The following AQR variants were observed in gnomAD, a reference collection of about 807,000 sequenced individuals.
AQR encodes the protein RNA helicase aquarius.
A neutral mutation model predicts 180.5 loss-of-function variants in AQR; 61 were observed. That is an observed-to-expected ratio of 0.34 (90% CI 0.28 to 0.42). AQR has a LOEUF of 0.42. Ranked by LOEUF, AQR falls within the 10% of genes least tolerant of loss-of-function variation. The pLI is 1.00. For missense variants in AQR, 1,281 were observed against 1,798.3 expected, an observed-to-expected ratio of 0.71 and a Z score of 5.20; for synonymous variants, 551 against 588.8, an observed-to-expected ratio of 0.94 and a Z score of 0.93.
In AQR at chr15:34,869,052, T is replaced by A. The variant is rs1035563886; in HGVS notation, c.3769-1443A>T. ...AGCTGTACAGTAAGTGCATACTTTA[T>A]AAGAAACTGTCAAACTTTTCCAAAA... On this transcript the variant is annotated intron_variant, in intron 31 of 34. Coordinates refer to ENST00000156471, the MANE Select transcript of AQR (RefSeq NM_014691.3). 13 of 152,308 alleles carry A rather than the reference T, an allele frequency of 8.5e-5. 3 individuals carry two copies. Among genetic ancestry groups the A allele is most frequent in the Admixed American group, 2.6e-4 (4 of 15,298 alleles). 9.4% of individuals were successfully genotyped at this position (152,308 alleles called of 1,614,324 possible).
rs893754580 is a variant in AQR at position 34,855,681 on chromosome 15, C to G, written c.*1111G>C. ...ACAACACAGTAATCTTAGTACAGTG[C>G]TTCTCAAACTACAAAGTGCCTGTGA... On this transcript the variant is annotated 3_prime_UTR_variant, in exon 35 of 35. Transcript: ENST00000156471. 3 of 152,146 alleles carry G rather than the reference C, an allele frequency of 2.0e-5. No individual in the cohort carries two copies. The highest frequency in any genetic ancestry group is 4.4e-5 in the Non-Finnish European group (3 of 68,020). The allele number at this position is 152,146 out of a possible 1,614,324, so 9.4% of individuals were successfully genotyped here.
At chr15:34,930,997 T>G (rs1595801219) in intron 11 of AQR, among the ~76,000 whole-genome samples, 1 of 151,948 alleles carries the variant, frequency 6.6e-6, no homozygotes, top group East Asian at 1.9e-4. Context: ...CCACCATGCC[T>G]GGCTAATTTT....
Position 34,855,447 on chromosome 15 carries a change from T to C in AQR, c.*1345A>G, listed in dbSNP as rs1435172162. ...TCTGGGGTAAATGCTCCCCTCCCCT[T>C]TAGATACTCTAGCAGATGATCAAAA... On this transcript the variant is annotated 3_prime_UTR_variant, in exon 35 of 35. Transcript: ENST00000156471. The C allele has an allele frequency of 2.0e-5, 3 of 152,080 alleles. No homozygotes were observed. Among genetic ancestry groups the C allele is most frequent in the Non-Finnish European group, 4.4e-5 (3 of 68,026 alleles). 9.4% of individuals were successfully genotyped at this position (152,080 alleles called of 1,614,324 possible).
chr15:34,882,485 C>T lies in AQR; in HGVS notation c.3165+17G>A, dbSNP rs764437827. ...AATCTTAAAAAAAAAAAAAAAAAAACTACCATAAGTCTTTACCTTGAAACC... is the reference window on the plus strand; with the variant it reads ...AATCTTAAAAAAAAAAAAAAAAAAATTACCATAAGTCTTTACCTTGAAACC... On this transcript the variant is annotated intron_variant, in intron 27 of 34. Transcript: ENST00000156471. 4.3e-6 allele frequency: 4 copies of T among 929,678 alleles called. No individual in the cohort carries two copies. Among genetic ancestry groups the T allele is most frequent in the South Asian group, 2.8e-5 (1 of 35,404 alleles). 57.6% of individuals were successfully genotyped at this position (929,678 alleles called of 1,614,324 possible).
chr15:34,927,911 A>G (rs1226932024), intron 12 of AQR, among the ~76,000 whole-genome samples: 1 of 152,212 alleles, frequency 6.6e-6, no homozygotes, highest in Non-Finnish European at 1.5e-5. Context: ...AAGGAAATAA[A>G]CAAGTCAGTC....
intron 20 of AQR, among the ~76,000 whole-genome samples, chr15:34,900,171 G>A (rs1009325557): frequency 3.9e-5 from 6 of 152,082 alleles, no homozygotes; most frequent in African/African-American, 1.2e-4. Flanking sequence ...GGGATTATAT[G>A]CATGAGCCAT....
intron 26 of AQR, 49 bp downstream of exon 26, chr15:34,884,476 T>G: frequency 7.1e-7 from 1 of 1,407,444 alleles, no homozygotes. Flanking sequence ...AAAACTAAAC[T>G]AAATTAAAAA....
In AQR at chr15:34,953,192, C is replaced by T. The variant is rs193268043; in HGVS notation, c.174-272G>A. ...CTATATTGCAAATGTGAAAATCAGA[C>T]GTTTCACTTGCTTCTTAGTGTTGAC... On this transcript the variant is annotated intron_variant, in intron 3 of 34. Coordinates refer to ENST00000156471, the MANE Select transcript of AQR (RefSeq NM_014691.3). Among the ~76,000 whole-genome samples the T allele has an allele frequency of 4.0e-3, 602 of 152,264 alleles. 1 individual carries two copies. The highest frequency in any genetic ancestry group is 0.01 in the African/African-American group (425 of 41,540).
intron 17 of AQR, 78 bp from the exon 18 acceptor site, chr15:34,906,790 T>C: frequency 7.1e-7 from 1 of 1,399,752 alleles, no homozygotes; most frequent in Non-Finnish European, 9.7e-7. Flanking sequence ...CTTATTTGCC[T>C]CTCTACCTCT....
Position 34,856,847 on chromosome 15 carries a change from G to A in AQR, c.4403C>T (p.Pro1468Leu), listed in dbSNP as rs61741130. ...TPTVVGAVSA[P>L]AEANTPQDAT... ...ATCCTGAGGTGTGTTAGCTTCTGCC[G>A]GTGCAGATACAGCTCCTACCACAGT... The change falls in exon 35 of 35, where the codon CCG (proline) becomes CTG (leucine). Residue 1468 changes from proline to leucine, a missense_variant. By Grantham distance (98) the Pro-to-Leu change is moderately conservative (BLOSUM62 -3). Transcript: ENST00000156471. 0.012 allele frequency: 18,710 copies of A among 1,605,862 alleles called. 1,896 individuals are homozygous for A. The African/African-American group carries it at 0.22, about 19-fold the overall frequency.
chr15:34,899,067 G>A (rs1022611094), intron 20 of AQR, among the ~76,000 whole-genome samples: 1 of 151,898 alleles, frequency 6.6e-6, no homozygotes, highest in Non-Finnish European at 1.5e-5. Flanking sequence ...CTACTCCGGA[G>A]GCTGAGGCAG....
At chr15:34,932,474 T>C in intron 10 of AQR, 40 bp from the exon 11 acceptor site, 2 of 1,376,252 alleles carry the variant, frequency 1.5e-6, no homozygotes, top group East Asian at 2.3e-5. Flanking sequence ...TTTGCATCTA[T>C]TCTCCACAGC....
rs1165693289 is a variant in AQR, at chr15:34,855,924, A to G, written c.*868T>C. ...CCTTGTGGCTGGTTATCCCAAGAAA[A>G]ATAAGGCAGAAAACTCAGAATTTCT... On this transcript the variant is annotated 3_prime_UTR_variant, in exon 35 of 35. Transcript: ENST00000156471. 6.6e-6 allele frequency: 1 copy of G among 152,234 alleles called. No individual in the cohort carries two copies. The allele number at this position is 152,234 out of a possible 1,614,324, so 9.4% of individuals were successfully genotyped here.
chr15:34,903,752 A>G (rs1379564496), intron 19 of AQR, among the ~76,000 whole-genome samples: 3 of 152,156 alleles, frequency 2.0e-5, no homozygotes, highest in Non-Finnish European at 2.9e-5. Context: ...GAACTGTTCA[A>G]TGTTTAAGTT....
At position 34,870,779 on chromosome 15, in the gene AQR, G is replaced by C; in HGVS notation, c.3741C>G (p.Asn1247Lys). 1 of 1,612,318 alleles carries C rather than the reference G, an allele frequency of 6.2e-7. No individual in the cohort carries two copies. The highest frequency in any genetic ancestry group is 1.1e-5 in the South Asian group (1 of 90,898). ...IRDIINRRCG[N>K]NPLIGRPNKV... ...TGTTTGGTCTTCCAATCAATGGATT[G>C]TTTCCACATCGTCTATTGATGATGT... Residue 1247 changes from asparagine to lysine, a missense_variant, in exon 31 of 35, where the codon AAC becomes AAG. Asn to Lys is a moderately conservative substitution (Grantham distance 94). Around this residue, in one of 9 missense-constraint regions of AQR, gnomAD observed 197 missense variants for 320.7 expected, o/e 0.61. Coordinates refer to ENST00000156471, the MANE Select transcript of AQR (RefSeq NM_014691.3).
chr15:34,954,786 A>T (rs982940057), intron 3 of AQR, among the ~76,000 whole-genome samples: 5 of 152,178 alleles, frequency 3.3e-5, no homozygotes, highest in Admixed American at 6.5e-5. Context: ...AGATTAAAAA[A>T]AACAGGTCTA....
At chr15:34,964,869 T>C (rs969248353) in intron 1 of AQR, among the ~76,000 whole-genome samples, 3 of 152,108 alleles carry the variant, frequency 2.0e-5, no homozygotes, top group Non-Finnish European at 2.9e-5. Flanking sequence ...TAAACAAATA[T>C]ATAACTCTCT....
At chr15:34,895,181 AAAAAAAATATATATATATATAT>A (rs1369765930) in intron 22 of AQR, among the ~76,000 whole-genome samples, 4 of 43,338 alleles carry the variant, frequency 9.2e-5, no homozygotes, top group African/African-American at 2.6e-4. Context: ...AAAAAAAAAA[AAAAAAAATATATATATATATAT>A]ATATATATAT....
intron 4 of AQR, 55 bp downstream of exon 4, chr15:34,952,830 A>C: frequency 8.1e-7 from 1 of 1,227,070 alleles, no homozygotes; most frequent in Non-Finnish European, 1.2e-6. Flanking sequence ...CAGAAAATTT[A>C]GCTAAAACTG....
Sources: gnomAD v4.1 joint callset for allele counts (sites outside exome capture counted in the v4.1 genomes callset) on GRCh38, gnomAD v4.1.1 for gene constraint, gnomAD v4.1.1 regional missense constraint, MANE v1.5 for transcripts, NCBI Gene and HGNC (gene_info 2026-07-23, HGNC 2026-07-21) for gene names.